Variants in ESPN observed in about 807,000 individuals in gnomAD.
ESPN encodes espin, also known as autosomal recessive deafness type 36 protein.
ESPN carries 68 observed loss-of-function variants against 77.7 expected under a neutral mutation model. That is an observed-to-expected ratio of 0.87 (90% CI 0.72 to 1.07). ESPN has a LOEUF of 1.07. ESPN is among the 50% of genes least tolerant of loss of function. ESPN has a pLI of 0.00. For synonymous variants in ESPN, 449 were observed against 567.1 expected (o/e 0.79, Z 2.96); for missense variants, 1,060 against 1,239.0 (o/e 0.86, Z 2.17).
Position 6,445,885 on chromosome 1 carries a change from C to T in ESPN, c.1414C>T (p.Gln472Ter). 2 of 1,612,148 alleles carry T rather than the reference C, an allele frequency of 1.2e-6. No individual in the cohort carries two copies. The highest frequency in any genetic ancestry group is 2.2e-5 in the East Asian group (1 of 44,816). ...VGPQAADIYMQTKNKLRHVET... is the reference protein window; with the variant it reads ...VGPQAADIYM Reference sequence around the variant, plus strand: ...ACCACAGGCAGCTGACATCTACATGCAGACCAAGAACAAACTCCGCCACGT... The same window carrying T: ...ACCACAGGCAGCTGACATCTACATGTAGACCAAGAACAAACTCCGCCACGT... The change falls in exon 7 of 13, where the codon CAG (glutamine) becomes TAG (stop). Residue 472 changes from glutamine to a stop codon, truncating the protein, a stop_gained. Transcript: ENST00000645284. LOFTEE classifies it high-confidence loss of function.
At position 6,457,368 on chromosome 1, in the gene ESPN, A is replaced by G. The variant is rs1644074727; in HGVS notation, c.2413A>G (p.Lys805Glu). The G allele has an allele frequency of 6.2e-7, 1 of 1,614,220 alleles. No individual in the cohort carries two copies. Among genetic ancestry groups the G allele is most frequent in the Non-Finnish European group, 8.5e-7 (1 of 1,180,028 alleles). The change falls in exon 12 of 13, where the codon AAG becomes GAG. Residue 805 changes from lysine to glutamate, a missense_variant. This residue lies in a region of ESPN where 374 missense variants were observed against 381.4 expected (regional missense o/e 0.98). Transcript: ENST00000645284. ...GTCTCTTTTTCCTTCCAGGGAGCAGAAGCGGTGAGTGCAGGGCTGGCCCCA... is the reference window on the plus strand; with the variant it reads ...GTCTCTTTTTCCTTCCAGGGAGCAGGAGCGGTGAGTGCAGGGCTGGCCCCA... ...RKKLEEEREQ[K>E]RKEEERQKQE...
chr1:6,448,987 C>T lies in ESPN; in HGVS notation c.1811C>T (p.Pro604Leu), dbSNP rs755851791. Residue 604 changes from proline to leucine, a missense_variant, in exon 8 of 13, where the codon CCG becomes CTG. Transcript: ENST00000645284. ...ELPPPPPPPPPPLPEAASSPP... is the reference protein window; with the variant it reads ...ELPPPPPPPPLPLPEAASSPP... ...CCACCGCCGCCCCCACCGCCGCCGC[C>T]GCCCCTGCCGGAGGCCGCGAGTTCG... The T allele has an allele frequency of 6.9e-7, 1 of 1,441,342 alleles. No homozygotes were observed. The highest frequency in any genetic ancestry group is 1.4e-5 in the South Asian group (1 of 72,456). 89.3% of individuals were successfully genotyped at this position (1,441,342 alleles called of 1,614,324 possible).
chr1:6,443,299 C>T (rs1643712783), intron 5 of ESPN: 1 of 152,234 alleles, frequency 6.6e-6, no homozygotes, highest in African/African-American at 2.4e-5. Flanking sequence ...GCATAGGTGA[C>T]TCTCCCGAAA....
chr1:6,460,894 G>T lies in ESPN; in HGVS notation c.*748G>T. On this transcript the variant is annotated 3_prime_UTR_variant, in exon 13 of 13. Transcript: ENST00000645284. ...TGCACCCCATCCCGACCCTGTCTCCGCCACCTCGCAGCCCCATTAAAGCGC... is the reference window on the plus strand; with the variant it reads ...TGCACCCCATCCCGACCCTGTCTCCTCCACCTCGCAGCCCCATTAAAGCGC... 1 of 330,582 alleles carries T rather than the reference G, an allele frequency of 3.0e-6. No individual in the cohort carries two copies. 20.5% of individuals were successfully genotyped at this position (330,582 alleles called of 1,614,324 possible).
intron 2 of ESPN, among the ~76,000 whole-genome samples, chr1:6,438,320 G>T (rs113647147): frequency 4.6e-5 from 7 of 152,366 alleles, no homozygotes; most frequent in African/African-American, 1.7e-4. Context: ...GTTCAGCAAT[G>T]GCTGTGCGCC....
intron 7 of ESPN, 150 bp from the exon 8 acceptor site, chr1:6,448,491 G>A (rs894348941): frequency 2.7e-5 from 17 of 622,550 alleles, no homozygotes; most frequent in Non-Finnish European, 4.5e-5. Context: ...GCTGCCCACT[G>A]TGAGAACCAG....
chr1:6,459,551 T>G (rs1032646595), intron 12 of ESPN, among the ~76,000 whole-genome samples: 2 of 152,146 alleles, frequency 1.3e-5, no homozygotes, highest in Non-Finnish European at 2.9e-5. Flanking sequence ...ACCCTCTATG[T>G]TCTAATAACT....
Position 6,428,615 on chromosome 1 carries a change from G to T in ESPN, c.488+196G>T, listed in dbSNP as rs1305878896. On this transcript the variant is annotated intron_variant, in intron 2 of 12. Coordinates refer to ENST00000645284, the MANE Select transcript of ESPN (RefSeq NM_031475.3). This position sits in a 1 kb window ranked among gnomAD's most constrained non-coding sequence, Gnocchi z 5.4. ...CCCCTCCTGGAAAACCCCTTCTGGG[G>T]CTGCCCCCAGAGCCCTGCAAGCAGG... Among the ~76,000 whole-genome samples, 1 of 152,150 alleles carries T rather than the reference G, an allele frequency of 6.6e-6. No homozygotes were observed.
chr1:6,440,141 C>A, intron 2 of ESPN, 113 bp from the exon 3 acceptor site: 1 of 1,174,336 alleles, frequency 8.5e-7, no homozygotes, highest in Non-Finnish European at 1.2e-6. Context: ...AGGGCCCTTT[C>A]CCACCCACTC....
rs1643933713 is a variant in ESPN, at chr1:6,450,977, T to G, written c.1916-626T>G. On this transcript the variant is annotated intron_variant, in intron 8 of 12. Coordinates refer to ENST00000645284, the MANE Select transcript of ESPN (RefSeq NM_031475.3). This position sits in a 1 kb window ranked among gnomAD's most constrained non-coding sequence, Gnocchi z 4.3. ...TCCTGGGTGCCTCCCGTAGCCTTAG[T>G]AAGGGCTCTGCTTTCCTGGGCCCCT... Among the ~76,000 whole-genome samples, 1 of 152,162 alleles carries G rather than the reference T, an allele frequency of 6.6e-6. No homozygotes were observed.
At chr1:6,441,211 C>T (rs1382934866) in intron 5 of ESPN, 146 bp downstream of exon 5, 4 of 1,174,206 alleles carry the variant, frequency 3.4e-6, no homozygotes, top group Non-Finnish European at 4.9e-6. Context: ...AGCCCAGAAC[C>T]ACTGCCTACT....
At chr1:6,445,026 C>T (rs34717919) in intron 6 of ESPN, among the ~76,000 whole-genome samples, 6 of 152,140 alleles carry the variant, frequency 3.9e-5, no homozygotes, top group Non-Finnish European at 8.8e-5. Flanking sequence ...CAGAGCCATG[C>T]GAATATCTGC....
intron 10 of ESPN, chr1:6,454,285 C>T (rs988866731): frequency 1.4e-4 from 56 of 397,374 alleles, no homozygotes; most frequent in African/African-American, 7.0e-4. Flanking sequence ...GCGTCACCCC[C>T]CGCCGGCCAG....
rs1301769807 is a variant in ESPN, at chr1:6,428,025, T to A, written c.295-201T>A. ...CTACGGTTCAGAGAGGGCCAGTTAG[T>A]TGCCCAAGGACAGAAGCAGGACTCA... is the stretch of plus-strand genomic sequence containing the variant. On this transcript the variant is annotated intron_variant, in intron 1 of 12. Coordinates refer to ENST00000645284, the MANE Select transcript of ESPN (RefSeq NM_031475.3). The surrounding 1 kb of genome is among the most constrained non-coding windows in gnomAD (Gnocchi z 5.4). Among the ~76,000 whole-genome samples the A allele has an allele frequency of 6.6e-6, 1 of 152,198 alleles. No homozygotes were observed. Among genetic ancestry groups the A allele is most frequent in the Non-Finnish European group, 1.5e-5 (1 of 68,020 alleles).
Position 6,445,757 on chromosome 1 carries a change from C to T in ESPN, c.1286C>T (p.Thr429Ile), listed in dbSNP as rs139266211. Residue 429 changes from threonine to isoleucine, a missense_variant, in exon 7 of 13, where the codon ACA becomes ATA. By Grantham distance (89) the Thr-to-Ile change is moderately conservative. Transcript: ENST00000645284. ...GLPRGTIGKP[T>I]PPPPPPSFPP... Reference sequence around the variant, plus strand: ...CCTCGGGGCACGATTGGGAAGCCCACACCCCCACCACCCCCACCCAGCTTC... The same window carrying T: ...CCTCGGGGCACGATTGGGAAGCCCATACCCCCACCACCCCCACCCAGCTTC... The T allele has an allele frequency of 5.3e-3, 8,104 of 1,524,410 alleles. 29 individuals carry two copies. The highest frequency in any genetic ancestry group is 9.5e-3 in the Middle Eastern group (41 of 4,320). 94.4% of individuals were successfully genotyped at this position (1,524,410 alleles called of 1,614,324 possible). A position where few individuals can be genotyped will look rare whatever the true frequency, so the allele number is the denominator to read the frequency against.
rs545947407 is a variant in ESPN at position 6,434,850 on chromosome 1, A to G, written c.489-5404A>G. On this transcript the variant is annotated intron_variant, in intron 2 of 12. Transcript: ENST00000645284. ...TTGAAATTGAGGGGTCAGGGAAGCCAGGTGTCTTTGAGGAGAGGAGAGCTG... is the reference window on the plus strand; with the variant it reads ...TTGAAATTGAGGGGTCAGGGAAGCCGGGTGTCTTTGAGGAGAGGAGAGCTG... Among the ~76,000 whole-genome samples the G allele has an allele frequency of 3.4e-3, 516 of 152,226 alleles. 4 individuals carry two copies. The highest frequency in any genetic ancestry group is 0.012 in the African/African-American group (497 of 41,528).
chr1:6,440,852 C>T (rs1405228036), intron 4 of ESPN, 44 bp downstream of exon 4: 1 of 1,477,632 alleles, frequency 6.8e-7, no homozygotes, highest in Non-Finnish European at 8.9e-7. Context: ...TCTGCTGGCA[C>T]CGCGCTTTCA....
chr1:6,459,195 C>G (rs1178368499), intron 12 of ESPN, among the ~76,000 whole-genome samples: 2 of 151,580 alleles, frequency 1.3e-5, no homozygotes, highest in African/African-American at 4.9e-5. Flanking sequence ...GAGCCGAGAT[C>G]GTGCCACTGC....
intron 1 of ESPN, among the ~76,000 whole-genome samples, chr1:6,426,470 G>A (rs960439005): frequency 2.7e-5 from 4 of 146,192 alleles, no homozygotes; most frequent in Non-Finnish European, 6.1e-5. Flanking sequence ...AGGCTTGGGT[G>A]TGGGGGGAGA....
Sources: allele counts gnomAD v4.1 joint callset (sites outside exome capture counted in the v4.1 genomes callset), GRCh38; gene constraint gnomAD v4.1.1; regional missense constraint gnomAD v4.1.1; non-coding constraint Gnocchi (gnomAD v3.1); transcripts MANE v1.5; gene names NCBI Gene and HGNC (gene_info 2026-07-23, HGNC 2026-07-21).